Variants in SNX8 observed in about 807,000 individuals in gnomAD.
The protein encoded by SNX8 is sorting nexin 8.
SNX8 carries 25 observed loss-of-function variants against 51.6 expected under a neutral mutation model. That is an observed-to-expected ratio of 0.48 (90% CI 0.35 to 0.68). SNX8 has a LOEUF of 0.68. Among genes scored for constraint, SNX8 ranks in the 30% least tolerant of loss-of-function variants. SNX8 has a pLI of 0.00. For synonymous variants in SNX8, 324 were observed against 277.0 expected, an observed-to-expected ratio of 1.17 and a Z score of -1.68; for missense variants, 695 against 624.0, an observed-to-expected ratio of 1.11 and a Z score of -1.21.
intron 1 of SNX8, among the ~76,000 whole-genome samples, chr7:2,294,551 C>T (rs1288312267): frequency 6.6e-6 from 1 of 152,206 alleles, no homozygotes; most frequent in African/African-American, 2.4e-5. Context: ...CCCAAGGTCA[C>T]AGAGCCAGCA....
chr7:2,291,254 T>C (rs936073989), intron 1 of SNX8, among the ~76,000 whole-genome samples: 1 of 151,910 alleles, frequency 6.6e-6, no homozygotes, highest in East Asian at 1.9e-4. Flanking sequence ...AAGCTATGAT[T>C]GCGCTACTGC....
At chr7:2,257,219 G>T in intron 9 of SNX8, 146 bp downstream of exon 9, 1 of 1,156,854 alleles carries the variant, frequency 8.6e-7, no homozygotes, top group Non-Finnish European at 1.2e-6. Flanking sequence ...GGGCACGCGG[G>T]CCAGCTCCCT....
At chr7:2,321,819 G>A (rs1309180464) in intron 1 of SNX8, among the ~76,000 whole-genome samples, 2 of 148,540 alleles carry the variant, frequency 1.3e-5, no homozygotes, top group African/African-American at 2.5e-5. Context: ...TGCCTCCCAG[G>A]TTCAATCAAT....
chr7:2,255,212 G>A, intron 10 of SNX8, 43 bp from the exon 11 acceptor site: 2 of 1,274,548 alleles, frequency 1.6e-6, no homozygotes, highest in African/African-American at 1.5e-5. Flanking sequence ...GGCGGGGCCG[G>A]GGCTCCTCCT....
chr7:2,309,999 C>G (rs192097757), intron 1 of SNX8: 1 of 400,772 alleles, frequency 2.5e-6, no homozygotes, highest in Non-Finnish European at 5.1e-6. Flanking sequence ...GCTTCCGAAC[C>G]GAATGGAATG....
chr7:2,331,694 C>G (rs12535689), intron 1 of SNX8, among the ~76,000 whole-genome samples: 76,216 of 150,572 alleles, frequency 0.51, 19,389 homozygotes, highest in East Asian at 0.58. Context: ...AACAGAGTGA[C>G]ACTCCGTCTC....
At chr7:2,317,131 C>A (rs1461397762), upstream of SNX8, among the ~76,000 whole-genome samples, 1 of 151,792 alleles carries the variant, frequency 6.6e-6, no homozygotes, top group African/African-American at 2.4e-5. Context: ...GGCACGAAGG[C>A]TCTGAGACAT....
At chr7:2,303,316 G>A (rs559090286) in intron 1 of SNX8, among the ~76,000 whole-genome samples, 301 of 146,680 alleles carry the variant, frequency 2.1e-3, no homozygotes, top group Non-Finnish European at 3.7e-3. Context: ...CAGCCGCCCC[G>A]TCCGGGAGGG....
At chr7:2,273,483 G>A (rs1156898705) in intron 3 of SNX8, among the ~76,000 whole-genome samples, 1 of 151,460 alleles carries the variant, frequency 6.6e-6, no homozygotes, top group Non-Finnish European at 1.5e-5. Context: ...CTACTTGGGA[G>A]ACTCAGGCAG....
Position 2,308,328 on chromosome 7 carries a change from G to A in SNX8, c.94+6000C>T, listed in dbSNP as rs1796590743. On this transcript the variant is annotated intron_variant, in intron 1 of 10. Transcript: ENST00000222990. The stretch of plus-strand genomic sequence containing the variant: ...AAAACTATATAAACAAAATAAACTT[G>A]TAAAAAAAATAAAAATAAGTTTGCT... Among the ~76,000 whole-genome samples, 5 of 151,664 alleles carry A rather than the reference G, an allele frequency of 3.3e-5. No individual in the cohort carries two copies. The South Asian group carries it at 1.0e-3, about 32-fold the overall frequency.
At chr7:2,282,925 T>C (rs1373708097) in intron 1 of SNX8, among the ~76,000 whole-genome samples, 1 of 151,832 alleles carries the variant, frequency 6.6e-6, no homozygotes, top group Non-Finnish European at 1.5e-5. Flanking sequence ...ATCGAGACCA[T>C]CCTGGCTAAC....
chr7:2,289,624 C>G (rs996721607), intron 1 of SNX8, among the ~76,000 whole-genome samples: 43 of 151,950 alleles, frequency 2.8e-4, no homozygotes, highest in Admixed American at 2.7e-3. Flanking sequence ...CTGTTTTTCT[C>G]TTTTTTTTAA....
chr7:2,309,710 A>G, intron 1 of SNX8: 1 of 449,884 alleles, frequency 2.2e-6, no homozygotes, highest in Non-Finnish European at 4.6e-6. Flanking sequence ...CAGCCTGGAC[A>G]ACAAGAGCGA....
chr7:2,351,406 G>T (rs918545225), intron 1 of SNX8, among the ~76,000 whole-genome samples: 3 of 152,116 alleles, frequency 2.0e-5, no homozygotes, highest in Admixed American at 6.6e-5. Flanking sequence ...CAAAAAGGTA[G>T]CCCGATGTGG....
chr7:2,275,305 G>T, intron 2 of SNX8, 76 bp from the exon 3 acceptor site: 1 of 981,574 alleles, frequency 1.0e-6, no homozygotes, highest in Non-Finnish European at 1.6e-6. Flanking sequence ...AACAGAGCCC[G>T]GGAAAACGAC....
intron 5 of SNX8, among the ~76,000 whole-genome samples, chr7:2,268,540 G>T (rs1331002963): frequency 3.4e-5 from 5 of 145,912 alleles, no homozygotes; most frequent in Non-Finnish European, 3.0e-5. Flanking sequence ...TGCCATCCGG[G>T]AGGGAGGTGG....
At chr7:2,324,750 A>G (rs1323889589) in intron 1 of SNX8, among the ~76,000 whole-genome samples, 1 of 152,018 alleles carries the variant, frequency 6.6e-6, no homozygotes, top group African/African-American at 2.4e-5. Context: ...CATTCTCACA[A>G]CCCTTGTGGG....
chr7:2,350,656 T>C (rs1316678932), intron 1 of SNX8, among the ~76,000 whole-genome samples: 1 of 152,114 alleles, frequency 6.6e-6, no homozygotes, highest in African/African-American at 2.4e-5. Context: ...AAAACAATTT[T>C]TTTTTTTTGA....
At chr7:2,260,621 GGTGTAA>G (rs1795313559) in intron 7 of SNX8, among the ~76,000 whole-genome samples, 1 of 152,120 alleles carries the variant, frequency 6.6e-6, no homozygotes, top group Non-Finnish European at 1.5e-5. Flanking sequence ...GAGTATAACT[GGTGTAA>G]GTACAAGCAG....
Sources: gnomAD v4.1 joint callset for allele counts (sites outside exome capture counted in the v4.1 genomes callset) on GRCh38, gnomAD v4.1.1 for gene constraint, MANE v1.5 for transcripts, NCBI Gene and HGNC (gene_info 2026-07-23, HGNC 2026-07-21) for gene names.